ARHGAP10: variants seen among roughly 807,000 people sequenced by gnomAD.
ARHGAP10 encodes the protein rho GTPase-activating protein 10.
A neutral mutation model predicts 108.6 loss-of-function variants in ARHGAP10; 87 were observed. That is an observed-to-expected ratio of 0.80 (90% confidence interval 0.67 to 0.96). ARHGAP10 has a LOEUF of 0.96. Ranked by LOEUF, ARHGAP10 falls within the 40% of genes least tolerant of loss-of-function variation. The pLI is 0.00. For missense variants in ARHGAP10, 939 were observed against 954.5 expected (o/e 0.98, Z 0.21); for synonymous variants, 347 against 341.1 (o/e 1.02, Z -0.19).
At chr4:147,964,252 A>G (rs1292025843) in intron 16 of ARHGAP10, among the ~76,000 whole-genome samples, 1 of 152,166 alleles carries the variant, frequency 6.6e-6, no homozygotes, top group Non-Finnish European at 1.5e-5. Flanking sequence ...ATCAGCAACT[A>G]GGGACAGCCC....
At chr4:148,006,151 A>T (rs1740939741) in intron 18 of ARHGAP10, among the ~76,000 whole-genome samples, 1 of 152,180 alleles carries the variant, frequency 6.6e-6, no homozygotes, top group Non-Finnish European at 1.5e-5. Flanking sequence ...GGAGGAAGCC[A>T]GCTGCCGTGT....
intron 18 of ARHGAP10, among the ~76,000 whole-genome samples, chr4:148,004,208 T>C (rs1408520146): frequency 2.0e-5 from 3 of 152,214 alleles, no homozygotes; most frequent in East Asian, 1.9e-4. Context: ...AAAATTGACT[T>C]AAGCTTTGAA....
At chr4:147,891,330 A>G (rs1735787582) in intron 10 of ARHGAP10, among the ~76,000 whole-genome samples, 1 of 152,218 alleles carries the variant, frequency 6.6e-6, no homozygotes, top group Admixed American at 6.5e-5. Flanking sequence ...ACATAATGCT[A>G]AGTGAAAGAA....
intron 20 of ARHGAP10, among the ~76,000 whole-genome samples, chr4:148,050,625 G>A (rs1197240786): frequency 2.6e-5 from 4 of 151,794 alleles, no homozygotes; most frequent in East Asian, 1.9e-4. Flanking sequence ...CACCCACCTC[G>A]GCCTCCCAAA....
Position 147,847,164 on chromosome 4 carries a change from C to G in ARHGAP10, c.326C>G (p.Thr109Ser). 1.2e-6 allele frequency: 2 copies of G among 1,613,146 alleles called. No homozygotes were observed. Among genetic ancestry groups the G allele is most frequent in the Non-Finnish European group, 1.7e-6 (2 of 1,179,252 alleles). The change falls in exon 4 of 23, where the codon ACT (threonine) becomes AGT (serine). Residue 109 changes from threonine to serine, a missense_variant. Physicochemically the swap from Thr to Ser is moderately conservative, Grantham distance 58. Transcript: ENST00000336498. ...EQREIMALSV[T>S]ETLIKPLEKF... ...CTTGTTCTCTAGGCATTAAGTGTAA[C>G]TGAAACCCTGATTAAACCCTTGGAA... is the stretch of plus-strand genomic sequence containing the variant.
intron 15 of ARHGAP10, among the ~76,000 whole-genome samples, chr4:147,954,325 A>G (rs1286828608): frequency 6.6e-6 from 1 of 151,860 alleles, no homozygotes; most frequent in Non-Finnish European, 1.5e-5. Flanking sequence ...GGATTTGCCC[A>G]TTTCTCCTTG....
chr4:147,873,252 G>C (rs895553534), intron 7 of ARHGAP10, among the ~76,000 whole-genome samples: 1 of 152,092 alleles, frequency 6.6e-6, no homozygotes, highest in African/African-American at 2.4e-5. Flanking sequence ...GAATCAAGGG[G>C]ACCAGTCAAA....
At chr4:147,972,352 G>A (rs74491927) in intron 18 of ARHGAP10, among the ~76,000 whole-genome samples, 22,379 of 152,006 alleles carry the variant, frequency 0.15, 1,993 homozygotes, top group African/African-American at 0.25. Flanking sequence ...AATTCCCATT[G>A]CATAAATATA....
chr4:147,956,246 C>T (rs1738780459), intron 16 of ARHGAP10, among the ~76,000 whole-genome samples: 1 of 152,184 alleles, frequency 6.6e-6, no homozygotes. Flanking sequence ...GGATGTATTC[C>T]ATAGTTTAAT....
At chr4:148,038,792 G>A (rs142871757) in intron 19 of ARHGAP10, among the ~76,000 whole-genome samples, 42 of 152,290 alleles carry the variant, frequency 2.8e-4, no homozygotes, top group African/African-American at 7.7e-4. Context: ...CTCACCCTCC[G>A]CTGGTGAAAG....
At chr4:147,808,029 T>G (rs1731858190) in intron 1 of ARHGAP10, among the ~76,000 whole-genome samples, 1 of 152,228 alleles carries the variant, frequency 6.6e-6, no homozygotes, top group Non-Finnish European at 1.5e-5. Context: ...GTTCAATGAA[T>G]AATTATTTCT....
At chr4:147,916,731 C>T (rs984055820) in intron 13 of ARHGAP10, 5 of 152,334 alleles carry the variant, frequency 3.3e-5, no homozygotes, top group Admixed American at 3.3e-4. Flanking sequence ...AGTCCACATC[C>T]AGGAAAATTT....
chr4:147,956,850 T>G (rs763423067), intron 16 of ARHGAP10, among the ~76,000 whole-genome samples: 1 of 152,092 alleles, frequency 6.6e-6, no homozygotes, highest in African/African-American at 2.4e-5. Flanking sequence ...ATCATTAGTA[T>G]TATTACGCCC....
chr4:147,875,264 C>G, intron 8 of ARHGAP10, 114 bp downstream of exon 8: 1 of 1,167,902 alleles, frequency 8.6e-7, no homozygotes, highest in East Asian at 2.8e-5. Flanking sequence ...ACCTCTTTCT[C>G]TCCCTGCTCC....
chr4:147,955,144 G>C (rs1738741226), intron 15 of ARHGAP10, among the ~76,000 whole-genome samples, 172 bp from the exon 16 acceptor site: 1 of 152,080 alleles, frequency 6.6e-6, no homozygotes, highest in Non-Finnish European at 1.5e-5. Context: ...GCCAACAGCA[G>C]TTAATAAAGT....
At chr4:148,017,729 T>C (rs146318020) in intron 18 of ARHGAP10, among the ~76,000 whole-genome samples, 229 of 150,422 alleles carry the variant, frequency 1.5e-3, no homozygotes, top group Non-Finnish European at 2.5e-3. Context: ...GTGATATCAT[T>C]ACATAGATAG....
At chr4:147,770,922 C>T (rs1334579874) in intron 1 of ARHGAP10, among the ~76,000 whole-genome samples, 2 of 152,174 alleles carry the variant, frequency 1.3e-5, no homozygotes, top group Non-Finnish European at 2.9e-5. Context: ...TCTGAGGCAC[C>T]TCTCCTTGGC....
intron 1 of ARHGAP10, among the ~76,000 whole-genome samples, chr4:147,811,817 A>G (rs1732032132): frequency 6.6e-6 from 1 of 152,212 alleles, no homozygotes; most frequent in Non-Finnish European, 1.5e-5. Context: ...ATGGTGATTT[A>G]TTTCCAAAGC....
intron 13 of ARHGAP10, among the ~76,000 whole-genome samples, chr4:147,937,101 C>T (rs760478985): frequency 6.6e-6 from 1 of 152,194 alleles, no homozygotes; most frequent in Non-Finnish European, 1.5e-5. Context: ...AAATTGTCTT[C>T]CATGAAACCA....
Sources: allele counts gnomAD v4.1 joint callset (sites outside exome capture counted in the v4.1 genomes callset), GRCh38; gene constraint gnomAD v4.1.1; transcripts MANE v1.5; gene names NCBI Gene and HGNC (gene_info 2026-07-23, HGNC 2026-07-21).